XPNPEP1: variants seen among roughly 807,000 people sequenced by gnomAD.
XPNPEP1 encodes xaa-Pro aminopeptidase 1.
A neutral mutation model predicts 92.4 loss-of-function variants in XPNPEP1; 39 were observed. The observed-to-expected ratio is 0.42, with a 90% CI of 0.33 to 0.55. The LOEUF is 0.55. Ranked by LOEUF, XPNPEP1 falls within the 20% of genes least tolerant of loss-of-function variation. The pLI is 0.08. For missense variants in XPNPEP1, 654 were observed against 856.1 expected, an observed-to-expected ratio of 0.76 and a Z score of 2.95; for synonymous variants, 307 against 299.4, an observed-to-expected ratio of 1.03 and a Z score of -0.26.
At chr10:109,918,497 C>T (rs1281294128) in intron 1 of XPNPEP1, among the ~76,000 whole-genome samples, 1 of 152,106 alleles carries the variant, frequency 6.6e-6, no homozygotes, top group Non-Finnish European at 1.5e-5. Flanking sequence ...CACGGTGGCT[C>T]ACGCCTGTAA....
At chr10:109,889,157 C>T (rs1302107440) in intron 5 of XPNPEP1, among the ~76,000 whole-genome samples, 3 of 152,098 alleles carry the variant, frequency 2.0e-5, no homozygotes, top group East Asian at 3.9e-4. Context: ...GAGATCTTTC[C>T]GAAGATTTTA....
intron 10 of XPNPEP1, 22 bp downstream of exon 10, chr10:109,882,410 G>C (rs371209320): frequency 2.1e-5 from 34 of 1,602,922 alleles, no homozygotes; most frequent in Middle Eastern, 1.8e-4. Context: ...GAGTTTAGAT[G>C]GGCCAAAGTG....
intron 11 of XPNPEP1, 99 bp downstream of exon 11, chr10:109,880,743 T>G (rs1848046313): frequency 8.3e-7 from 1 of 1,199,036 alleles, no homozygotes; most frequent in South Asian, 1.4e-5. Context: ...CTCAGAGAGA[T>G]TCTAACCTTG....
At chr10:109,914,977 G>A in intron 2 of XPNPEP1, 34 bp downstream of exon 2, 3 of 1,420,944 alleles carry the variant, frequency 2.1e-6, no homozygotes, top group Non-Finnish European at 2.8e-6. Context: ...ATCCTTTACA[G>A]ATGTTCCATC....
chr10:109,874,125 T>C (rs1267467667), intron 15 of XPNPEP1, among the ~76,000 whole-genome samples: 1 of 152,200 alleles, frequency 6.6e-6, no homozygotes, highest in African/African-American at 2.4e-5. Context: ...AATTACATGG[T>C]ACATAAATTT....
At chr10:109,907,646 G>GA (rs750097786) in intron 3 of XPNPEP1, 45 bp downstream of exon 3, 8 of 1,612,614 alleles carry the variant, frequency 5.0e-6, no homozygotes, top group East Asian at 4.5e-5. Context: ...TAGGGCTGGG[G>GA]AAAAAAGACT....
In XPNPEP1 at chr10:109,891,848, A is replaced by C. The variant is rs761958807; in HGVS notation, c.311-22T>G. On this transcript the variant is annotated intron_variant, in intron 4 of 20. Coordinates refer to ENST00000502935, the MANE Select transcript of XPNPEP1 (RefSeq NM_020383.4). ...GTGCCTGAAGCAGGGGAGAAAAAAA[A>C]AAGAAGAAGAAAGGTTTCTAACAAC... 29 of 1,609,544 alleles carry C rather than the reference A, an allele frequency of 1.8e-5. No homozygotes were observed. The Admixed American group carries it at 4.4e-4, about 24-fold the overall frequency.
intron 9 of XPNPEP1, among the ~76,000 whole-genome samples, chr10:109,883,314 C>G (rs1304303569): frequency 1.3e-5 from 2 of 151,972 alleles, no homozygotes; most frequent in African/African-American, 2.4e-5. Context: ...TTCCCCGCCC[C>G]TCCTCACCCT....
intron 3 of XPNPEP1, among the ~76,000 whole-genome samples, chr10:109,900,079 T>TG (rs1422523651): frequency 6.6e-6 from 1 of 152,236 alleles, no homozygotes; most frequent in African/African-American, 2.4e-5. Context: ...CCCTTAGAGT[T>TG]GCAGAGGACA....
Position 109,871,775 on chromosome 10 carries a change from C to T in XPNPEP1, c.1522+17G>A. 6.2e-7 allele frequency: 1 copy of T among 1,608,778 alleles called. No individual in the cohort carries two copies. The highest frequency in any genetic ancestry group is 8.5e-7 in the Non-Finnish European group (1 of 1,179,188). On this transcript the variant is annotated intron_variant, in intron 17 of 20. Transcript: ENST00000502935. ...ACAAGAAAAAGAGCCTGCCATGTGACAGAATGCACCACCTACCTTTGGTTC... is the reference window on the plus strand; with the variant it reads ...ACAAGAAAAAGAGCCTGCCATGTGATAGAATGCACCACCTACCTTTGGTTC...
At chr10:109,916,333 T>C (rs1311745014) in intron 1 of XPNPEP1, among the ~76,000 whole-genome samples, 1 of 146,570 alleles carries the variant, frequency 6.8e-6, no homozygotes, top group Non-Finnish European at 1.5e-5. Context: ...CTAGTTTACC[T>C]GAGGAAAAGC....
intron 2 of XPNPEP1, 131 bp from the exon 3 acceptor site, chr10:109,907,946 A>C: frequency 7.7e-7 from 1 of 1,292,606 alleles, no homozygotes; most frequent in African/African-American, 1.5e-5. Context: ...CAAATTGATC[A>C]CTCCACCACC....
At chr10:109,868,895 C>A (rs933420121) in intron 19 of XPNPEP1, among the ~76,000 whole-genome samples, 183 bp from the exon 20 acceptor site, 2 of 152,178 alleles carry the variant, frequency 1.3e-5, no homozygotes, top group Non-Finnish European at 2.9e-5. Context: ...AAGAGCTCCT[C>A]CACTGGGCAA....
intron 15 of XPNPEP1, among the ~76,000 whole-genome samples, chr10:109,873,827 G>A (rs1223790073): frequency 6.6e-6 from 1 of 152,184 alleles, no homozygotes; most frequent in Non-Finnish European, 1.5e-5. Context: ...ACTGATACAT[G>A]CTGCAACATG....
Position 109,893,086 on chromosome 10 carries a change from A to C in XPNPEP1, c.247-11T>G. 1.2e-6 allele frequency: 2 copies of C among 1,613,092 alleles called. No homozygotes were observed. The highest frequency in any genetic ancestry group is 1.1e-5 in the South Asian group (1 of 90,818). ...AGCAATATACTCACTCTGGAAAACAAAGATGACAACAAAGTGGGCCTCGAT... is the reference window on the plus strand; with the variant it reads ...AGCAATATACTCACTCTGGAAAACACAGATGACAACAAAGTGGGCCTCGAT... On this transcript the variant is annotated splice_polypyrimidine_tract_variant and intron_variant, in intron 3 of 20. Coordinates refer to ENST00000502935, the MANE Select transcript of XPNPEP1 (RefSeq NM_020383.4).
intron 3 of XPNPEP1, among the ~76,000 whole-genome samples, chr10:109,898,241 C>T (rs1849087293): frequency 6.6e-6 from 1 of 152,148 alleles, no homozygotes; most frequent in African/African-American, 2.4e-5. Flanking sequence ...ATAATGCCCA[C>T]CTTGAAGGGT....
intron 15 of XPNPEP1, among the ~76,000 whole-genome samples, chr10:109,874,810 G>A (rs58719275): frequency 0.19 from 29,396 of 152,056 alleles, 3,245 homozygotes; most frequent in South Asian, 0.39. Context: ...TTAGCCGGGC[G>A]TGGTGGCGGG....
Position 109,867,802 on chromosome 10 carries a change from T to A in XPNPEP1, c.1872+812A>T, listed in dbSNP as rs1847221423. Among the ~76,000 whole-genome samples, 1 of 152,252 alleles carries A rather than the reference T, an allele frequency of 6.6e-6. No homozygotes were observed. Among genetic ancestry groups the A allele is most frequent in the African/African-American group, 2.4e-5 (1 of 41,464 alleles). The stretch of plus-strand genomic sequence containing the variant: ...CAGTCATTTGCTTTTCATTGGAACT[T>A]CTGACCCCTGCCTTGCTCTGGAATT... On this transcript the variant is annotated intron_variant, in intron 20 of 20. Transcript: ENST00000502935. The surrounding 1 kb of genome is among the most constrained non-coding windows in gnomAD (Gnocchi z 4.5).
At chr10:109,919,760 G>C (rs574045268) in intron 1 of XPNPEP1, among the ~76,000 whole-genome samples, 24 of 152,270 alleles carry the variant, frequency 1.6e-4, no homozygotes, top group African/African-American at 4.6e-4. Context: ...CACGCCAGGC[G>C]CGGTAGCTCA....
Sources: gnomAD v4.1 joint callset for allele counts (sites outside exome capture counted in the v4.1 genomes callset) on GRCh38, gnomAD v4.1.1 for gene constraint, Gnocchi (gnomAD v3.1) non-coding constraint, MANE v1.5 for transcripts, NCBI Gene and HGNC (gene_info 2026-07-23, HGNC 2026-07-21) for gene names.